The following PFDN4 variants were observed in gnomAD, a reference collection of about 807,000 sequenced individuals.
PFDN4 encodes prefoldin 4.
A neutral mutation model predicts 17.6 loss-of-function variants in PFDN4; 6 were observed. The ratio of observed to expected loss-of-function variants is 0.34; its 90% CI spans 0.19 to 0.67. The LOEUF (loss-of-function observed/expected upper bound fraction) is 0.67. Ranked by LOEUF, PFDN4 falls within the 30% of genes least tolerant of loss-of-function variation. The pLI is 0.68. For synonymous variants in PFDN4, 48 were observed against 51.1 expected, an observed-to-expected ratio of 0.94 and a Z score of 0.26; for missense variants, 119 against 158.4, an observed-to-expected ratio of 0.75 and a Z score of 1.33.
intron 1 of PFDN4, chr20:54,209,002 C>A (rs2092752231): frequency 6.6e-6 from 1 of 152,116 alleles, no homozygotes. Flanking sequence ...CGTGAGCCTT[C>A]CCAGATGTGT....
intron 3 of PFDN4, among the ~76,000 whole-genome samples, chr20:54,215,645 G>T (rs1431356492): frequency 6.6e-6 from 1 of 152,214 alleles, no homozygotes; most frequent in Non-Finnish European, 1.5e-5. Flanking sequence ...AAGAATAGAG[G>T]CTTAGAGAGG....
intron 2 of PFDN4, 35 bp from the exon 3 acceptor site, chr20:54,215,265 T>A (rs772702573): frequency 6.6e-6 from 10 of 1,526,512 alleles, no homozygotes; most frequent in Non-Finnish European, 8.0e-6. Flanking sequence ...TCAGAGAACT[T>A]TGAGTACATT....
chr20:54,210,499 T>A (rs3787559), intron 1 of PFDN4, among the ~76,000 whole-genome samples: 8,355 of 152,254 alleles, frequency 0.055, 362 homozygotes, highest in East Asian at 0.22. Flanking sequence ...ACACATCGTA[T>A]CTCTCAACTG....
chr20:54,217,999 G>A (rs2092764869), intron 3 of PFDN4, among the ~76,000 whole-genome samples: 1 of 152,058 alleles, frequency 6.6e-6, no homozygotes, highest in African/African-American at 2.4e-5. Context: ...CCTGACACTG[G>A]TCTCGGGGCC....
At chr20:54,216,114 A>G (rs1420961067) in intron 3 of PFDN4, among the ~76,000 whole-genome samples, 3 of 152,234 alleles carry the variant, frequency 2.0e-5, no homozygotes, top group Admixed American at 6.5e-5. Context: ...TTCTACATAA[A>G]TCTTTGTTCA....
At chr20:54,213,685 T>G (rs1032412825) in intron 1 of PFDN4, among the ~76,000 whole-genome samples, 1 of 152,230 alleles carries the variant, frequency 6.6e-6, no homozygotes, top group African/African-American at 2.4e-5. Flanking sequence ...CAATCAGTGT[T>G]AGCTATTTTT....
intron 1 of PFDN4, 28 bp downstream of exon 1, chr20:54,208,152 G>T (rs931615291): frequency 2.6e-6 from 4 of 1,526,988 alleles, no homozygotes; most frequent in Non-Finnish European, 3.5e-6. Context: ...GGCTCTGGAT[G>T]CTCGGGCGGC....
intron 3 of PFDN4, among the ~76,000 whole-genome samples, chr20:54,218,498 CTCTT>C (rs1486435063): frequency 1.3e-5 from 2 of 152,242 alleles, no homozygotes; most frequent in South Asian, 2.1e-4. Context: ...GGCAAAGCTG[CTCTT>C]TCTTACAAAT....
chr20:54,210,293 T>G (rs1233327324), intron 1 of PFDN4, among the ~76,000 whole-genome samples: 1 of 152,218 alleles, frequency 6.6e-6, no homozygotes, highest in Non-Finnish European at 1.5e-5. Flanking sequence ...ACATGATAGA[T>G]GCAGTGTCCT....
intron 3 of PFDN4, among the ~76,000 whole-genome samples, chr20:54,215,715 CA>C (rs2092761636): frequency 6.6e-6 from 1 of 152,166 alleles, no homozygotes; most frequent in South Asian, 2.1e-4. Flanking sequence ...GAACCTTGCT[CA>C]AAACTAAAAG....
chr20:54,218,993 A>G (rs1001018526), intron 3 of PFDN4, 26 bp from the exon 4 acceptor site: 52 of 1,371,244 alleles, frequency 3.8e-5, no homozygotes, highest in Non-Finnish European at 5.1e-5. Flanking sequence ...ATTGAATAGA[A>G]TTAATTTAAA....
chr20:54,209,050 G>C (rs1601172686), intron 1 of PFDN4: 1 of 152,368 alleles, frequency 6.6e-6, no homozygotes, highest in East Asian at 1.9e-4. Flanking sequence ...AATTGGAGAG[G>C]GGGAAGGAGA....
At chr20:54,209,764 CT>C (rs1275487095) in intron 1 of PFDN4, among the ~76,000 whole-genome samples, 1 of 151,824 alleles carries the variant, frequency 6.6e-6, no homozygotes, top group African/African-American at 2.4e-5. Context: ...TAATTACCAA[CT>C]TTTTTTTTCC....
In PFDN4 at chr20:54,210,598, C is replaced by T. The variant is rs918526648; in HGVS notation, c.24+2474C>T. 2.0e-5 allele frequency among the ~76,000 whole-genome samples: 3 copies of T among 152,026 alleles called. No individual in the cohort carries two copies. The East Asian group carries it at 5.8e-4, about 30-fold the overall frequency. On this transcript the variant is annotated intron_variant, in intron 1 of 3. Transcript: ENST00000371419. ...TGCCTTCTAAGATCCAGTTCTTGAC[C>T]ATAAGGAGATCTGCACTTTGATTTC...
At chr20:54,210,857 C>G (rs555193446) in intron 1 of PFDN4, among the ~76,000 whole-genome samples, 1 of 152,300 alleles carries the variant, frequency 6.6e-6, no homozygotes, top group East Asian at 1.9e-4. Context: ...GATAGTGGCT[C>G]TCTTGTCACA....
At chr20:54,213,673 TTCAA>T (rs1416977777) in intron 1 of PFDN4, among the ~76,000 whole-genome samples, 2 of 152,248 alleles carry the variant, frequency 1.3e-5, no homozygotes, top group African/African-American at 4.8e-5. Context: ...ACATAGTAAA[TTCAA>T]TCAGTGTTAG....
chr20:54,216,982 TTCTAG>T (rs1292092211), intron 3 of PFDN4, among the ~76,000 whole-genome samples: 7 of 152,170 alleles, frequency 4.6e-5, no homozygotes, highest in Non-Finnish European at 1.0e-4. Flanking sequence ...TTTTTACTCA[TTCTAG>T]AATTCTAGAA....
chr20:54,212,311 A>G (rs1486797837), intron 1 of PFDN4, among the ~76,000 whole-genome samples: 3 of 152,222 alleles, frequency 2.0e-5, no homozygotes, highest in East Asian at 1.9e-4. Flanking sequence ...AGGCACTGAC[A>G]TCTTACTGTC....
chr20:54,213,903 G>A (rs1039412549), intron 1 of PFDN4, among the ~76,000 whole-genome samples: 9 of 151,920 alleles, frequency 5.9e-5, no homozygotes. Context: ...GAAATGTACA[G>A]TGACCCTTTA....
Sources: allele counts gnomAD v4.1 joint callset (sites outside exome capture counted in the v4.1 genomes callset), GRCh38; gene constraint gnomAD v4.1.1; transcripts MANE v1.5; gene names NCBI Gene and HGNC (gene_info 2026-07-23, HGNC 2026-07-21).